Variants in NAV2 observed in about 807,000 individuals in gnomAD.
NAV2 encodes helicase, APC down-regulated 1.
In NAV2, 54 loss-of-function variants were observed where a neutral mutation model predicts 223.2. That is an observed-to-expected ratio of 0.24 (90% CI 0.19 to 0.30). The LOEUF (loss-of-function observed/expected upper bound fraction) is 0.30. Among genes scored for constraint, NAV2 ranks in the 10% least tolerant of loss-of-function variants. NAV2 has a pLI of 1.00. For synonymous variants in NAV2, 1,279 were observed against 1,239.3 expected (o/e 1.03, Z -0.67); for missense variants, 2,806 against 3,147.5 (o/e 0.89, Z 2.60).
chr11:20,064,668 G>A (rs1235361766), intron 20 of NAV2, among the ~76,000 whole-genome samples: 1 of 152,204 alleles, frequency 6.6e-6, no homozygotes, highest in Non-Finnish European at 1.5e-5. Flanking sequence ...TCCTTCAGTA[G>A]CTGTTGTTCT....
chr11:19,974,532 TC>T (rs1025729671), intron 10 of NAV2, among the ~76,000 whole-genome samples: 1 of 152,198 alleles, frequency 6.6e-6, no homozygotes, highest in African/African-American at 2.4e-5. Context: ...ACGCCTGTAA[TC>T]CCAACACTTT....
At chr11:19,615,616 C>T (rs1018252402) in intron 1 of NAV2, among the ~76,000 whole-genome samples, 17 of 152,008 alleles carry the variant, frequency 1.1e-4, no homozygotes, top group Admixed American at 9.2e-4. Context: ...TACATATACA[C>T]ATATATGAAA....
At chr11:19,940,841 C>G (rs1733921907) in intron 8 of NAV2, among the ~76,000 whole-genome samples, 1 of 152,110 alleles carries the variant, frequency 6.6e-6, no homozygotes, top group Admixed American at 6.6e-5. Context: ...TGATTTGGGC[C>G]CCACATTTGG....
rs1055082298 is a variant in NAV2, at chr11:19,998,954, C to T, written c.2768+14707C>T. Among the ~76,000 whole-genome samples, 6 of 152,218 alleles carry T rather than the reference C, an allele frequency of 3.9e-5. No individual in the cohort carries two copies. Among genetic ancestry groups the T allele is most frequent in the Non-Finnish European group, 8.8e-5 (6 of 68,044 alleles). On this transcript the variant is annotated intron_variant, in intron 11 of 37. Coordinates refer to ENST00000349880, the MANE Select transcript of NAV2 (RefSeq NM_145117.5). The surrounding 1 kb of genome is among the most constrained non-coding windows in gnomAD (Gnocchi z 5.0). ...AATAAGACAGAAACCAGGTCAGCTCCGTTTGCAGGTGAATCCCCTCTCCCA... is the reference window on the plus strand; with the variant it reads ...AATAAGACAGAAACCAGGTCAGCTCTGTTTGCAGGTGAATCCCCTCTCCCA...
At chr11:19,356,619 C>A (rs1853634654) in intron 1 of NAV2, among the ~76,000 whole-genome samples, 1 of 152,130 alleles carries the variant, frequency 6.6e-6, no homozygotes. Context: ...GTGAAAGGCA[C>A]ACTGAAGAGA....
chr11:19,387,128 C>G (rs568517165), intron 1 of NAV2, among the ~76,000 whole-genome samples: 1 of 152,324 alleles, frequency 6.6e-6, no homozygotes, highest in African/African-American at 2.4e-5. Context: ...CGCACTCACA[C>G]ACACTCTCTG....
chr11:19,387,205 G>A (rs1219297969), intron 1 of NAV2, among the ~76,000 whole-genome samples: 1 of 152,172 alleles, frequency 6.6e-6, no homozygotes, highest in Non-Finnish European at 1.5e-5. Flanking sequence ...ATCCTGCTGG[G>A]TAGGTTTTAA....
chr11:19,801,066 G>A (rs1416130199), intron 1 of NAV2, among the ~76,000 whole-genome samples: 1 of 152,180 alleles, frequency 6.6e-6, no homozygotes, highest in Non-Finnish European at 1.5e-5. Context: ...TTTAACCCCC[G>A]AAGTAACCTT....
chr11:20,001,486 G>GTTATCTCTCTCCATCCAGAGACCTTGGC (rs2052538703), intron 11 of NAV2, among the ~76,000 whole-genome samples: 2 of 152,082 alleles, frequency 1.3e-5, no homozygotes, highest in Admixed American at 1.3e-4. Flanking sequence ...AGATGGATGG[G>GTTATCTCTCTCCATCCAGAGACCTTGGC]TTATCTCTCT....
rs188287124 is a variant in NAV2 at position 19,485,922 on chromosome 11, C to A, written c.75+134895C>A. ...TACAGTATACAGGGAAAGCTTGAAC[C>A]TGATTGCAGGGCAGGAGAAAAGAGG... On this transcript the variant is annotated intron_variant, in intron 1 of 37. Transcript: ENST00000360655. Among the ~76,000 whole-genome samples, 472 of 152,200 alleles carry A rather than the reference C, an allele frequency of 3.1e-3. 3 individuals carry two copies. Among genetic ancestry groups the A allele is most frequent in the Middle Eastern group, 0.014 (4 of 294 alleles).
At chr11:19,389,294 G>C (rs1849158047) in intron 1 of NAV2, among the ~76,000 whole-genome samples, 1 of 152,232 alleles carries the variant, frequency 6.6e-6, no homozygotes, top group Admixed American at 6.5e-5. Flanking sequence ...CCACAGGGAG[G>C]TAGAAGCCTT....
intron 19 of NAV2, among the ~76,000 whole-genome samples, chr11:20,057,323 G>A (rs1349237653): frequency 6.6e-6 from 1 of 152,064 alleles, no homozygotes; most frequent in Non-Finnish European, 1.5e-5. Flanking sequence ...TTGCCCCCTG[G>A]TTTATTTTCT....
At chr11:19,944,653 T>G (rs1425794848) in intron 8 of NAV2, among the ~76,000 whole-genome samples, 4 of 150,590 alleles carry the variant, frequency 2.7e-5, no homozygotes. Flanking sequence ...TTTTCTTTCC[T>G]TTCCTTTTCT....
At chr11:19,850,305 C>G (rs1326464742) in intron 3 of NAV2, among the ~76,000 whole-genome samples, 1 of 152,130 alleles carries the variant, frequency 6.6e-6, no homozygotes, top group Non-Finnish European at 1.5e-5. Context: ...ACATAATACA[C>G]TCTCTTGTGG....
chr11:19,552,387 C>G (rs2044716585), intron 1 of NAV2, among the ~76,000 whole-genome samples: 1 of 152,160 alleles, frequency 6.6e-6, no homozygotes, highest in African/African-American at 2.4e-5. Context: ...TTCTCTGAAT[C>G]AATTCCCAGA....
intron 1 of NAV2, among the ~76,000 whole-genome samples, chr11:19,420,587 C>T (rs1362437745): frequency 6.6e-6 from 1 of 152,216 alleles, no homozygotes; most frequent in Non-Finnish European, 1.5e-5. Flanking sequence ...AACTAAGCTA[C>T]ATGCAACAGT....
chr11:19,425,516 G>T (rs986772304), intron 1 of NAV2, among the ~76,000 whole-genome samples: 4 of 152,216 alleles, frequency 2.6e-5, no homozygotes, highest in Non-Finnish European at 5.9e-5. Context: ...CTGAGACCTA[G>T]AGAATTAGAG....
chr11:19,876,820 T>G (rs2062861195), intron 4 of NAV2, among the ~76,000 whole-genome samples: 1 of 151,148 alleles, frequency 6.6e-6, no homozygotes, highest in South Asian at 2.1e-4. Context: ...AAAAAAAAAA[T>G]GCATCACAGA....
At chr11:19,674,237 G>T (rs974216499) in intron 1 of NAV2, among the ~76,000 whole-genome samples, 2 of 152,194 alleles carry the variant, frequency 1.3e-5, no homozygotes, top group Admixed American at 6.5e-5. Context: ...GAAACTTCCC[G>T]AGACTGGCCT....
Sources: allele counts gnomAD v4.1 joint callset (sites outside exome capture counted in the v4.1 genomes callset), GRCh38; gene constraint gnomAD v4.1.1; non-coding constraint Gnocchi (gnomAD v3.1); transcripts MANE v1.5; gene names NCBI Gene and HGNC (gene_info 2026-07-23, HGNC 2026-07-21).